HSD17B12: variants seen among roughly 807,000 people sequenced by gnomAD.
HSD17B12 encodes the protein hydroxysteroid 17-beta dehydrogenase 12, also known as very-long-chain 3-oxoacyl-CoA reductase.
A neutral mutation model predicts 39.3 loss-of-function variants in HSD17B12; 32 were observed. That is an observed-to-expected ratio of 0.81 (90% CI 0.61 to 1.09). The LOEUF (loss-of-function observed/expected upper bound fraction) is 1.09. Ranked by LOEUF, HSD17B12 falls within the 50% of genes least tolerant of loss-of-function variation. The pLI, the probability that HSD17B12 is intolerant of heterozygous loss-of-function variation, is 0.00. For missense variants in HSD17B12, 342 were observed against 382.9 expected (o/e 0.89, Z 0.89); for synonymous variants, 150 against 146.7 (o/e 1.02, Z -0.16).
chr11:43,796,275 C>G (rs542224165), intron 3 of HSD17B12, among the ~76,000 whole-genome samples: 3 of 151,694 alleles, frequency 2.0e-5, no homozygotes, highest in Non-Finnish European at 2.9e-5. Context: ...TAGGAAAAGC[C>G]GGGAACGATG....
the HSD17B12 span, among the ~76,000 whole-genome samples, chr11:43,570,940 A>G: frequency 6.8e-4 from 104 of 152,344 alleles, no homozygotes; most frequent in African/African-American, 2.5e-3. Context: ...AGCCTCTCCA[A>G]TAAGTACAAA....
At chr11:43,832,252 G>T (rs1951318404) in intron 7 of HSD17B12, among the ~76,000 whole-genome samples, 1 of 152,114 alleles carries the variant, frequency 6.6e-6, no homozygotes, top group Non-Finnish European at 1.5e-5. Context: ...GATTAAATTT[G>T]GGCCATCACC....
chr11:43,602,519 A>T, the HSD17B12 span, among the ~76,000 whole-genome samples: 5 of 152,090 alleles, frequency 3.3e-5, no homozygotes, highest in South Asian at 2.1e-4. Context: ...GAGAGCAGGA[A>T]TTTGGGGTCC....
chr11:43,746,069 A>G (rs1310242762), intron 1 of HSD17B12, among the ~76,000 whole-genome samples: 1 of 152,164 alleles, frequency 6.6e-6, no homozygotes, highest in Non-Finnish European at 1.5e-5. Flanking sequence ...CTTACTGTGA[A>G]TGGAACCTGC....
intron 1 of HSD17B12, 87 bp downstream of exon 1, chr11:43,681,074 T>C: frequency 7.1e-7 from 1 of 1,416,890 alleles, no homozygotes; most frequent in South Asian, 1.5e-5. Context: ...GGTCTGCTCC[T>C]GGCCTTCCCC....
At chr11:43,723,054 A>G (rs907759166) in intron 1 of HSD17B12, among the ~76,000 whole-genome samples, 1 of 152,170 alleles carries the variant, frequency 6.6e-6, no homozygotes, top group Non-Finnish European at 1.5e-5. Context: ...TAAAGGATCA[A>G]GTGTAATTTA....
chr11:43,734,140 G>A, intron 1 of HSD17B12: 2 of 1,509,096 alleles, frequency 1.3e-6, no homozygotes, highest in Non-Finnish European at 1.8e-6. Flanking sequence ...TCAAGTCAGT[G>A]GTGGCACGCT....
intron 3 of HSD17B12, among the ~76,000 whole-genome samples, chr11:43,793,715 T>TG (rs2135035955): frequency 6.6e-6 from 1 of 152,312 alleles, no homozygotes; most frequent in East Asian, 1.9e-4. Flanking sequence ...AGGGTTCAGT[T>TG]CCTTTTCTGT....
At chr11:43,566,835 C>T in the HSD17B12 span, among the ~76,000 whole-genome samples, 1 of 152,178 alleles carries the variant, frequency 6.6e-6, no homozygotes, top group Non-Finnish European at 1.5e-5. Context: ...GCCCCCAGAA[C>T]ATTTAAAAAT....
Position 43,704,354 on chromosome 11 carries a change from A to G in HSD17B12, c.160+23367A>G, listed in dbSNP as rs184597760. Among the ~76,000 whole-genome samples the G allele has an allele frequency of 3.6e-4, 55 of 152,348 alleles. No homozygotes were observed. The Middle Eastern group carries it at 0.01, about 28-fold the overall frequency. ...AGCCTGTTTTAGGTATTTTCAGTAA[A>G]TAAAAATGACTGCTGACTAAATACT... On this transcript the variant is annotated intron_variant, in intron 1 of 10. Coordinates refer to ENST00000278353, the MANE Select transcript of HSD17B12 (RefSeq NM_016142.3).
the HSD17B12 span, among the ~76,000 whole-genome samples, chr11:43,667,588 A>G: frequency 3.9e-5 from 6 of 152,276 alleles, no homozygotes; most frequent in South Asian, 1.2e-3. Context: ...AGTGTTGCAT[A>G]TTTTGGAATA....
At chr11:43,655,403 C>T in the HSD17B12 span, among the ~76,000 whole-genome samples, 2 of 152,180 alleles carry the variant, frequency 1.3e-5, no homozygotes, top group African/African-American at 4.8e-5. Flanking sequence ...TTATTTCCTT[C>T]TCCTGCCTGA....
chr11:43,580,873 A>AC, the HSD17B12 span, among the ~76,000 whole-genome samples: 1 of 152,008 alleles, frequency 6.6e-6, no homozygotes, highest in Non-Finnish European at 1.5e-5. Flanking sequence ...TTTAGTCCGC[A>AC]CCAATGAGCT....
At chr11:43,761,278 A>G (rs757773627) in intron 3 of HSD17B12, among the ~76,000 whole-genome samples, 1 of 152,246 alleles carries the variant, frequency 6.6e-6, no homozygotes, top group African/African-American at 2.4e-5. Context: ...TACTGAGACA[A>G]TGCAAATAAT....
chr11:43,802,047 G>A (rs959687124), intron 4 of HSD17B12, among the ~76,000 whole-genome samples: 5 of 151,542 alleles, frequency 3.3e-5, no homozygotes, highest in African/African-American at 7.3e-5. Flanking sequence ...GTGCAGTGGC[G>A]CGATCTCTGC....
At chr11:43,658,652 G>A in the HSD17B12 span, among the ~76,000 whole-genome samples, 1 of 152,352 alleles carries the variant, frequency 6.6e-6, no homozygotes, top group South Asian at 2.1e-4. Context: ...GTTTACTGGA[G>A]GTCCACCCCA....
At chr11:43,806,783 CTA>C (rs1951022540) in intron 4 of HSD17B12, among the ~76,000 whole-genome samples, 1 of 152,054 alleles carries the variant, frequency 6.6e-6, no homozygotes, top group East Asian at 1.9e-4. Flanking sequence ...ATTTGGATGA[CTA>C]TAATCAATTG....
chr11:43,667,691 G>A, the HSD17B12 span, among the ~76,000 whole-genome samples: 1 of 152,118 alleles, frequency 6.6e-6, no homozygotes, highest in Non-Finnish European at 1.5e-5. Flanking sequence ...ACCATAGCCT[G>A]AGGTTAATTT....
the HSD17B12 span, among the ~76,000 whole-genome samples, chr11:43,599,325 A>G: frequency 6.6e-6 from 1 of 152,176 alleles, no homozygotes; most frequent in African/African-American, 2.4e-5. Context: ...TGCGACCCTT[A>G]GGACTTAATC....
Sources: allele counts gnomAD v4.1 joint callset (sites outside exome capture counted in the v4.1 genomes callset), GRCh38; gene constraint gnomAD v4.1.1; transcripts MANE v1.5; gene names NCBI Gene and HGNC (gene_info 2026-07-23, HGNC 2026-07-21).